PLD5: variants seen among roughly 807,000 people sequenced by gnomAD.
The protein encoded by PLD5 is phospholipase D family member 5.
In PLD5, 36 loss-of-function variants were observed where a neutral mutation model predicts 61.1. The observed-to-expected ratio is 0.59, with a 90% CI of 0.45 to 0.78. PLD5 has a LOEUF of 0.78. Ranked by LOEUF, PLD5 falls within the 30% of genes least tolerant of loss-of-function variation. PLD5 has a pLI of 0.00. For missense variants in PLD5, 515 were observed against 644.4 expected (o/e 0.80, Z 2.17); for synonymous variants, 243 against 242.8 (o/e 1.00, Z -0.01).
chr1:242,111,122 T>C (rs954492862), intron 7 of PLD5, among the ~76,000 whole-genome samples: 1 of 151,580 alleles, frequency 6.6e-6, no homozygotes, highest in Non-Finnish European at 1.5e-5. Flanking sequence ...AATGGCGTGA[T>C]CTTGGCTCAC....
At chr1:242,508,157 A>G (rs1187996429) in intron 1 of PLD5, among the ~76,000 whole-genome samples, 1 of 151,604 alleles carries the variant, frequency 6.6e-6, no homozygotes, top group Non-Finnish European at 1.5e-5. Flanking sequence ...TGAGGTCAGG[A>G]GTTCAAGACC....
chr1:242,482,861 C>A (rs976352243), intron 1 of PLD5, among the ~76,000 whole-genome samples: 5 of 152,194 alleles, frequency 3.3e-5, no homozygotes, highest in African/African-American at 1.2e-4. Flanking sequence ...GCTGATCTCT[C>A]GGCAGAAACT....
intron 6 of PLD5, among the ~76,000 whole-genome samples, chr1:242,116,822 T>A (rs190514313): frequency 6.6e-6 from 1 of 152,168 alleles, no homozygotes; most frequent in African/African-American, 2.4e-5. Context: ...TTTTGATCAT[T>A]TATTTTTTTC....
intron 5 of PLD5, among the ~76,000 whole-genome samples, chr1:242,194,964 A>C (rs563245995): frequency 6.6e-6 from 1 of 152,272 alleles, no homozygotes; most frequent in South Asian, 2.1e-4. Context: ...AAATCTCACG[A>C]ATCATCACTA....
upstream of PLD5, among the ~76,000 whole-genome samples, chr1:242,526,509 C>T (rs1441003740): frequency 1.3e-5 from 2 of 152,202 alleles, no homozygotes; most frequent in Non-Finnish European, 2.9e-5. Flanking sequence ...CATCTCGGCT[C>T]GCTGCAACCT....
chr1:242,150,598 G>A (rs1441268337), intron 5 of PLD5, among the ~76,000 whole-genome samples: 2 of 151,734 alleles, frequency 1.3e-5, no homozygotes, highest in East Asian at 1.9e-4. Flanking sequence ...CTTTTCTGAA[G>A]TCTATTTTGA....
intron 5 of PLD5, chr1:242,188,506 CGAAAG>C (rs1335368413): frequency 6.6e-6 from 1 of 152,042 alleles, no homozygotes; most frequent in East Asian, 1.9e-4. Flanking sequence ...CACATAAAAT[CGAAAG>C]GAAAGAGAAG....
rs1167594160 is a variant in PLD5 at position 242,398,843 on chromosome 1, T to A, written c.190-50601A>T. 2.6e-5 allele frequency among the ~76,000 whole-genome samples: 4 copies of A among 152,210 alleles called. No homozygotes were observed. The East Asian group carries it at 7.7e-4, about 29-fold the overall frequency. On this transcript the variant is annotated intron_variant, in intron 1 of 9. Transcript: ENST00000536534. ...TCTCCAAATTTTTGTAGACATGGCATGTCACAGAAAGATCGGGTGAAAGGC... is the reference window on the plus strand; with the variant it reads ...TCTCCAAATTTTTGTAGACATGGCAAGTCACAGAAAGATCGGGTGAAAGGC...
chr1:242,424,295 G>A (rs1441580774), intron 1 of PLD5, among the ~76,000 whole-genome samples: 5 of 152,010 alleles, frequency 3.3e-5, no homozygotes, highest in Admixed American at 3.3e-4. Flanking sequence ...CCATCAGTTT[G>A]CCTGAGGTCC....
intron 2 of PLD5, among the ~76,000 whole-genome samples, chr1:242,347,628 CT>C (rs963378309): frequency 2.6e-5 from 4 of 152,194 alleles, no homozygotes; most frequent in African/African-American, 9.7e-5. Context: ...TAAAAACAAA[CT>C]GTGTGCTAAA....
At chr1:242,179,608 T>C (rs1298937033) in intron 5 of PLD5, among the ~76,000 whole-genome samples, 1 of 152,114 alleles carries the variant, frequency 6.6e-6, no homozygotes, top group Non-Finnish European at 1.5e-5. Flanking sequence ...ATAGGTAGAA[T>C]TGAGTGTGTA....
chr1:242,245,772 G>C (rs1050866173), intron 4 of PLD5, among the ~76,000 whole-genome samples: 36 of 152,156 alleles, frequency 2.4e-4, no homozygotes, highest in African/African-American at 8.4e-4. Context: ...TCCAAGCACA[G>C]ATTTGCTGAG....
chr1:242,177,513 A>G (rs1163053614), intron 5 of PLD5, among the ~76,000 whole-genome samples: 1 of 152,154 alleles, frequency 6.6e-6, no homozygotes. Flanking sequence ...GTGTGTACCT[A>G]TGTAACAAAA....
intron 5 of PLD5, 99 bp downstream of exon 5, chr1:242,219,889 C>A: frequency 1.4e-6 from 2 of 1,422,010 alleles, no homozygotes; most frequent in South Asian, 1.5e-5. Flanking sequence ...ATAATAAATG[C>A]TGTAGGTTTT....
At chr1:242,486,234 G>T (rs1667955514) in intron 1 of PLD5, among the ~76,000 whole-genome samples, 1 of 152,108 alleles carries the variant, frequency 6.6e-6, no homozygotes. Flanking sequence ...TTAAACTAAA[G>T]AGCTTCTGCA....
chr1:242,194,885 G>C (rs547817839), intron 5 of PLD5, among the ~76,000 whole-genome samples: 2 of 152,152 alleles, frequency 1.3e-5, no homozygotes, highest in African/African-American at 4.8e-5. Flanking sequence ...GGAAAGGGAG[G>C]GAAGCGGGTA....
intron 5 of PLD5, among the ~76,000 whole-genome samples, chr1:242,162,504 G>A (rs1367594483): frequency 2.0e-5 from 3 of 152,064 alleles, no homozygotes; most frequent in African/African-American, 7.2e-5. Context: ...AAATCCCCAG[G>A]AAGCCAGTGT....
At chr1:242,492,664 A>G (rs1008490408) in intron 1 of PLD5, among the ~76,000 whole-genome samples, 1 of 152,222 alleles carries the variant, frequency 6.6e-6, no homozygotes, top group Admixed American at 6.5e-5. Context: ...AGGCTGCGAT[A>G]ACAGACTACC....
intron 5 of PLD5, among the ~76,000 whole-genome samples, chr1:242,181,561 C>T (rs1574466231): frequency 6.6e-6 from 1 of 152,216 alleles, no homozygotes; most frequent in East Asian, 1.9e-4. Flanking sequence ...GAACATTAAA[C>T]ATCCTCTGCC....
Sources: allele counts gnomAD v4.1 joint callset (sites outside exome capture counted in the v4.1 genomes callset), GRCh38; gene constraint gnomAD v4.1.1; transcripts MANE v1.5; gene names NCBI Gene and HGNC (gene_info 2026-07-23, HGNC 2026-07-21).